CTNS: variants seen among roughly 807,000 people sequenced by gnomAD.
CTNS encodes the protein cystinosin.
CTNS carries 27 observed loss-of-function variants against 43.7 expected under a neutral mutation model. The observed-to-expected ratio is 0.62, with a 90% CI of 0.46 to 0.85. CTNS has a LOEUF of 0.85. CTNS is among the 40% of genes least tolerant of loss of function. The pLI is 0.00. For missense variants in CTNS, 457 were observed against 475.4 expected (o/e 0.96, Z 0.36); for synonymous variants, 187 against 190.6 (o/e 0.98, Z 0.16).
rs1027955890 is a variant in CTNS, at chr17:3,646,675, A to C, written c.62-769A>C. On this transcript the variant is annotated intron_variant, in intron 3 of 11. Coordinates refer to ENST00000046640, the MANE Select transcript of CTNS (RefSeq NM_004937.3). ...TGATCTCCAGCTCCTGGGCTCAAGC[A>C]GTCCTCCCGCCTTGGCCTCCCAAAG... Among the ~76,000 whole-genome samples, 5 of 151,938 alleles carry C rather than the reference A, an allele frequency of 3.3e-5. 1 individual carries two copies. The East Asian group carries it at 9.6e-4, about 29-fold the overall frequency.
At chr17:3,656,893 G>T in intron 9 of CTNS, 98 bp downstream of exon 9, 1 of 1,574,674 alleles carries the variant, frequency 6.4e-7, no homozygotes, top group Non-Finnish European at 8.6e-7. Flanking sequence ...GGAAAGGAAG[G>T]GTGTGTGTTC....
chr17:3,639,169 T>G (rs374636608), intron 2 of CTNS, among the ~76,000 whole-genome samples: 1 of 152,250 alleles, frequency 6.6e-6, no homozygotes, highest in East Asian at 1.9e-4. Flanking sequence ...CGTGAGACTG[T>G]GTACTGAGGC....
Position 3,653,204 on chromosome 17 carries a change from A to G in CTNS, c.226-1794A>G, listed in dbSNP as rs184732638. 1.2e-4 allele frequency among the ~76,000 whole-genome samples: 19 copies of G among 152,084 alleles called. No individual in the cohort carries two copies. In the East Asian group the frequency reaches 3.7e-3, roughly 30 times the overall value. On this transcript the variant is annotated intron_variant, in intron 5 of 11. Transcript: ENST00000046640. Reference sequence around the variant, plus strand: ...AAGCGGGTGGATCACCTGAGGTCAGAAGATCGAGACCAGCCTGGCCAACAT... The same window carrying G: ...AAGCGGGTGGATCACCTGAGGTCAGGAGATCGAGACCAGCCTGGCCAACAT...
chr17:3,640,068 C>T lies in CTNS; in HGVS notation c.-19-120C>T, dbSNP rs2075647680. On this transcript the variant is annotated intron_variant, in intron 2 of 11. Coordinates refer to ENST00000046640, the MANE Select transcript of CTNS (RefSeq NM_004937.3). The stretch of plus-strand genomic sequence containing the variant: ...AGGCCGTGATGCAAAGCCCTGAGGT[C>T]ACAGCTGTCAGGTGGCAGTCCTTTA... 1.1e-5 allele frequency: 9 copies of T among 809,040 alleles called. No homozygotes were observed. The Admixed American group carries it at 1.4e-4, about 13-fold the overall frequency. 50.1% of individuals were successfully genotyped at this position (809,040 alleles called of 1,614,324 possible). A position where few individuals can be genotyped will look rare whatever the true frequency, so the allele number is the denominator to read the frequency against.
At position 3,661,947 on chromosome 17, in the gene CTNS, C is replaced by G. The variant is rs142813435; in HGVS notation, c.*1578C>G. Among the ~76,000 whole-genome samples the G allele has an allele frequency of 0.024, 3,608 of 152,318 alleles. 134 individuals carry two copies. The highest frequency in any genetic ancestry group is 0.077 in the African/African-American group (3,200 of 41,552). On this transcript the variant is annotated 3_prime_UTR_variant, in exon 12 of 12. Coordinates refer to ENST00000046640, the MANE Select transcript of CTNS (RefSeq NM_004937.3). ...CTTTGGCCTGACGGGGTCCACAGAC[C>G]TGTTTCACTTGCAACACCCAGTAAA... is the stretch of plus-strand genomic sequence containing the variant.
chr17:3,646,025 G>C (rs1012779558), intron 3 of CTNS, among the ~76,000 whole-genome samples: 2 of 152,120 alleles, frequency 1.3e-5, no homozygotes, highest in Non-Finnish European at 2.9e-5. Flanking sequence ...CATGCTGGCA[G>C]CCTCTGCCGT....
intron 5 of CTNS, among the ~76,000 whole-genome samples, chr17:3,654,283 A>C (rs1043443601): frequency 6.6e-6 from 1 of 152,184 alleles, no homozygotes; most frequent in Non-Finnish European, 1.5e-5. Context: ...TAACTTGCCC[A>C]AGGTGACATG....
upstream of CTNS, chr17:3,636,501 G>C (rs1241960501): frequency 4.9e-6 from 2 of 406,066 alleles, no homozygotes; most frequent in Non-Finnish European, 8.8e-6. Flanking sequence ...TCTGAGCTTC[G>C]CTCACGAAAG....
At chr17:3,654,449 G>A (rs1471025457) in intron 5 of CTNS, among the ~76,000 whole-genome samples, 5 of 151,040 alleles carry the variant, frequency 3.3e-5, no homozygotes, top group Non-Finnish European at 5.9e-5. Flanking sequence ...CGAGGTGGGC[G>A]GATCACCTGA....
At chr17:3,659,562 G>A (rs1427167182) in intron 10 of CTNS, among the ~76,000 whole-genome samples, 1 of 152,240 alleles carries the variant, frequency 6.6e-6, no homozygotes, top group African/African-American at 2.4e-5. Context: ...TTGGCCCCAG[G>A]GATGTGGAGG....
rs988826725 is a variant in CTNS, at chr17:3,662,744, C to T, written c.*2375C>T. Among the ~76,000 whole-genome samples the T allele has an allele frequency of 1.1e-4, 5 of 47,340 alleles. No individual in the cohort carries two copies. Among genetic ancestry groups the T allele is most frequent in the African/African-American group, 2.2e-4 (4 of 17,860 alleles). The allele number at this position is 47,340 out of a possible 152,430, so 31.1% of individuals were successfully genotyped here. A position where few individuals can be genotyped will look rare whatever the true frequency, so the allele number is the denominator to read the frequency against. ...GCAGCTGCTGCGGCTCCACCAGCCC[C>T]GGGCTTTCAGGCAGGTGGGCCTGGG... On this transcript the variant is annotated 3_prime_UTR_variant, in exon 12 of 12. Coordinates refer to ENST00000046640, the MANE Select transcript of CTNS (RefSeq NM_004937.3).
chr17:3,643,903 A>G (rs1291319379), intron 3 of CTNS, among the ~76,000 whole-genome samples: 2 of 152,142 alleles, frequency 1.3e-5, no homozygotes. Context: ...GTGGTGGTGC[A>G]TGCCTGTGTT....
Position 3,660,272 on chromosome 17 carries a change from T to C in CTNS, c.1007T>C (p.Phe336Ser). Residue 336 changes from phenylalanine to serine, a missense_variant, in exon 12 of 12, where the codon TTT (phenylalanine) becomes TCT (serine). Phe to Ser is a radical substitution (Grantham distance 155). Coordinates refer to ENST00000046640, the MANE Select transcript of CTNS (RefSeq NM_004937.3). Reference protein sequence around the residue: ...WTLIFGDPTKFGLGVFSIVFD... With the variant: ...WTLIFGDPTKSGLGVFSIVFD... ...CTGATCTTCGGAGACCCAACCAAGT[T>C]TGGACTCGGGGTCTTCTCCATCGTC... The C allele has an allele frequency of 1.9e-6, 3 of 1,614,244 alleles. No individual in the cohort carries two copies. The highest frequency in any genetic ancestry group is 2.5e-6 in the Non-Finnish European group (3 of 1,180,046).
At chr17:3,656,947 C>A in intron 9 of CTNS, 152 bp downstream of exon 9, 1 of 1,276,972 alleles carries the variant, frequency 7.8e-7, no homozygotes. Context: ...ACCCATGAGT[C>A]CAGGCCCTCA....
chr17:3,649,433 C>T (rs3786029), intron 5 of CTNS, among the ~76,000 whole-genome samples: 20,101 of 144,894 alleles, frequency 0.14, 1,744 homozygotes, highest in East Asian at 0.25. Context: ...GCCTGGGTGA[C>T]AGAGTGAGAC....
chr17:3,641,088 C>T (rs1464186711), intron 3 of CTNS, among the ~76,000 whole-genome samples: 1 of 151,790 alleles, frequency 6.6e-6, no homozygotes, highest in Non-Finnish European at 1.5e-5. Flanking sequence ...AAACCTGTCC[C>T]TTAGAGAGGG....
At chr17:3,642,058 CCCGGGCGTGTGTGTGTGTGTGTGTG>C (rs1215486146) in intron 3 of CTNS, among the ~76,000 whole-genome samples, 1 of 39,890 alleles carries the variant, frequency 2.5e-5, no homozygotes, top group Admixed American at 2.1e-4. Flanking sequence ...TGTGTGTGTA[CCCGGGCGTGTGTGTGTGTGTGTGTG>C]CCTGGGCGTG....
rs1331568844 is a variant in CTNS, at chr17:3,656,716, T to C, written c.602T>C (p.Val201Ala). ...LLKYPNGVNP[V>A]NSNDVFFSLH... is the part of the protein sequence containing the mutation. Reference sequence around the variant, plus strand: ...AAATACCCCAACGGAGTGAACCCCGTGAACAGCAACGACGTCTTCTTCAGC... The same window carrying C: ...AAATACCCCAACGGAGTGAACCCCGCGAACAGCAACGACGTCTTCTTCAGC... The change falls in exon 9 of 12, where the codon GTG (valine) becomes GCG (alanine). Residue 201 changes from valine to alanine, a missense_variant. Val to Ala is a moderately conservative substitution (Grantham distance 64, BLOSUM62 0). Transcript: ENST00000046640. The C allele has an allele frequency of 6.2e-7, 1 of 1,613,062 alleles. No homozygotes were observed. Among genetic ancestry groups the C allele is most frequent in the Non-Finnish European group, 8.5e-7 (1 of 1,179,844 alleles).
At chr17:3,655,150 G>A (rs538842724) in intron 6 of CTNS, 49 bp downstream of exon 6, 19 of 1,613,856 alleles carry the variant, frequency 1.2e-5, no homozygotes, top group Admixed American at 8.3e-5. Context: ...GAAGGGGGCC[G>A]TGCTGGGCAC....
Sources: gnomAD v4.1 joint callset for allele counts (sites outside exome capture counted in the v4.1 genomes callset) on GRCh38, gnomAD v4.1.1 for gene constraint, MANE v1.5 for transcripts, NCBI Gene and HGNC (gene_info 2026-07-23, HGNC 2026-07-21) for gene names.